The following VGLL4 variants were observed in gnomAD, a reference collection of about 807,000 sequenced individuals.
VGLL4 encodes vestigial like family member 4, also known as transcription cofactor vestigial-like protein 4.
Under a neutral mutation model 21.0 loss-of-function variants are expected in VGLL4, and 7 were observed. The observed-to-expected ratio is 0.33, with a 90% confidence interval of 0.19 to 0.63. The LOEUF (loss-of-function observed/expected upper bound fraction) is 0.63. Among genes scored for constraint, VGLL4 ranks in the 20% least tolerant of loss-of-function variants. The pLI is 0.78. For synonymous variants in VGLL4, 222 were observed against 173.2 expected, an observed-to-expected ratio of 1.28 and a Z score of -2.21; for missense variants, 394 against 425.7, an observed-to-expected ratio of 0.93 and a Z score of 0.66.
Position 11,557,393 on chromosome 3 carries a change from T to C in VGLL4, c.*1163A>G, listed in dbSNP as rs1191368297. On this transcript the variant is annotated 3_prime_UTR_variant, in exon 5 of 5. Transcript: ENST00000430365. ...GTTCAAAGGGAGCAGTTTCTGCATGTAGGGAAGTTGGAAGACACAAACCCC... is the reference window on the plus strand; with the variant it reads ...GTTCAAAGGGAGCAGTTTCTGCATGCAGGGAAGTTGGAAGACACAAACCCC... 1 of 152,760 alleles carries C rather than the reference T, an allele frequency of 6.5e-6. No homozygotes were observed. The highest frequency in any genetic ancestry group is 1.9e-4 in the East Asian group (1 of 5,320). 9.5% of individuals were successfully genotyped at this position (152,760 alleles called of 1,614,324 possible).
At chr3:11,564,573 CGGGCAGGTCT>C (rs1427831457) in intron 3 of VGLL4, among the ~76,000 whole-genome samples, 4 of 151,842 alleles carry the variant, frequency 2.6e-5, no homozygotes, top group Non-Finnish European at 5.9e-5. Flanking sequence ...AGGCAAGGCC[CGGGCAGGTCT>C]GGGCAGGAAG....
At chr3:11,683,093 G>C (rs554742000) in intron 2 of VGLL4, among the ~76,000 whole-genome samples, 2 of 152,230 alleles carry the variant, frequency 1.3e-5, no homozygotes, top group African/African-American at 2.4e-5. Context: ...CGAGCGTGGT[G>C]GTGGGCACCT....
In VGLL4 at chr3:11,631,879, G is replaced by T. The variant is rs575628935; in HGVS notation, c.82+11558C>A. ...GGTTTGCATTTTATCTAGCCCTCAC[G>T]AAGTACTCCACTATCATGAGGTCAG... is the stretch of plus-strand genomic sequence containing the variant. On this transcript the variant is annotated intron_variant, in intron 1 of 4. Coordinates refer to ENST00000430365, the MANE Select transcript of VGLL4 (RefSeq NM_001128219.3). 5.3e-5 allele frequency among the ~76,000 whole-genome samples: 8 copies of T among 152,262 alleles called. No individual in the cohort carries two copies. In the East Asian group the frequency reaches 1.2e-3, roughly 22 times the overall value.
chr3:11,707,068 C>T (rs2125409037), intron 1 of VGLL4, among the ~76,000 whole-genome samples: 1 of 151,802 alleles, frequency 6.6e-6, no homozygotes, highest in Admixed American at 6.6e-5. Flanking sequence ...ATAGTCCCAG[C>T]ACTTTAGGAG....
chr3:11,675,214 C>T (rs947297371), intron 2 of VGLL4, among the ~76,000 whole-genome samples: 2 of 151,926 alleles, frequency 1.3e-5, no homozygotes, highest in South Asian at 2.1e-4. Flanking sequence ...TAGTGGCAGG[C>T]GCCTGTAATC....
At position 11,649,893 on chromosome 3, in the gene VGLL4, CTATTT is replaced by C. The variant is rs1559923457; in HGVS notation, c.65-47876_65-47872del. Among the ~76,000 whole-genome samples the C allele has an allele frequency of 6.2e-5, 9 of 145,586 alleles. No homozygotes were observed. The South Asian group carries it at 1.4e-3, about 23-fold the overall frequency. On this transcript the variant is annotated intron_variant, in intron 2 of 5. Coordinates refer to the VGLL4 transcript ENST00000273038. ...AACTCCCCCACAGCACACAAGTGCT[CTATTT>C]GGTTTGGTTTGGTTTGGTTTGGTTT...
At chr3:11,627,864 TG>T (rs1372788072) in intron 1 of VGLL4, among the ~76,000 whole-genome samples, 1 of 152,210 alleles carries the variant, frequency 6.6e-6, no homozygotes, top group Admixed American at 6.5e-5. Context: ...CAAAGCATCT[TG>T]CTAGGCACTG....
intron 2 of VGLL4, among the ~76,000 whole-genome samples, chr3:11,586,909 T>C (rs980463383): frequency 1.3e-5 from 2 of 152,196 alleles, no homozygotes; most frequent in Non-Finnish European, 2.9e-5. Flanking sequence ...GTTTCAAATA[T>C]TAGCCTCAAA....
intron 1 of VGLL4, among the ~76,000 whole-genome samples, chr3:11,714,979 CA>C (rs1225572051): frequency 5.3e-5 from 8 of 151,618 alleles, no homozygotes; most frequent in African/African-American, 1.5e-4. Context: ...ATTAAAAATA[CA>C]AAAAATTAGC....
chr3:11,591,522 G>A (rs901457875), intron 2 of VGLL4, among the ~76,000 whole-genome samples: 1 of 152,226 alleles, frequency 6.6e-6, no homozygotes, highest in African/African-American at 2.4e-5. Flanking sequence ...AGGCAGAAGC[G>A]AGGCCTGCTG....
upstream of VGLL4, among the ~76,000 whole-genome samples, chr3:11,647,034 T>A (rs1438391653): frequency 6.6e-6 from 1 of 152,242 alleles, no homozygotes; most frequent in Non-Finnish European, 1.5e-5. Flanking sequence ...GTTATAGGGC[T>A]GCATTACATT....
At chr3:11,574,189 C>T (rs550932526) in intron 2 of VGLL4, among the ~76,000 whole-genome samples, 1 of 152,300 alleles carries the variant, frequency 6.6e-6, no homozygotes, top group African/African-American at 2.4e-5. Flanking sequence ...CCCTAGGAAA[C>T]GAACACAATT....
chr3:11,708,167 T>C (rs2076788193), intron 1 of VGLL4, among the ~76,000 whole-genome samples: 1 of 152,182 alleles, frequency 6.6e-6, no homozygotes, highest in African/African-American at 2.4e-5. Flanking sequence ...CCTCATACGG[T>C]TTTCTGAGAA....
intron 2 of VGLL4, among the ~76,000 whole-genome samples, chr3:11,589,354 TC>T (rs971096691): frequency 6.6e-6 from 1 of 152,022 alleles, no homozygotes. Flanking sequence ...TTCCTCAATT[TC>T]TCTGGCCTCA....
chr3:11,674,001 G>A (rs2076253470), intron 2 of VGLL4, among the ~76,000 whole-genome samples: 1 of 105,488 alleles, frequency 9.5e-6, no homozygotes, highest in African/African-American at 3.9e-5. Context: ...GACAGAGCGA[G>A]ACTTTGTCTC....
intron 1 of VGLL4, among the ~76,000 whole-genome samples, chr3:11,609,406 A>G (rs1336418595): frequency 6.6e-6 from 1 of 152,246 alleles, no homozygotes; most frequent in Non-Finnish European, 1.5e-5. Context: ...TTAGCTAATT[A>G]TTAGCATCTC....
At chr3:11,600,097 T>G (rs1257153839) in intron 2 of VGLL4, among the ~76,000 whole-genome samples, 4 of 152,180 alleles carry the variant, frequency 2.6e-5, no homozygotes, top group Non-Finnish European at 5.9e-5. Flanking sequence ...AACAATGGAA[T>G]AAAAATAACA....
At chr3:11,680,282 G>A (rs1053533543) in intron 2 of VGLL4, among the ~76,000 whole-genome samples, 4 of 144,278 alleles carry the variant, frequency 2.8e-5, no homozygotes, top group African/African-American at 4.9e-5. Context: ...GAGTATCCCT[G>A]CTATGCAAAG....
At chr3:11,617,208 G>A (rs561808019) in intron 1 of VGLL4, among the ~76,000 whole-genome samples, 35 of 152,302 alleles carry the variant, frequency 2.3e-4, no homozygotes, top group Non-Finnish European at 4.6e-4. Context: ...ATGGGTATGA[G>A]CATTCCAGGC....
Sources: gnomAD v4.1 joint callset for allele counts (sites outside exome capture counted in the v4.1 genomes callset) on GRCh38, gnomAD v4.1.1 for gene constraint, MANE v1.5 for transcripts, NCBI Gene and HGNC (gene_info 2026-07-23, HGNC 2026-07-21) for gene names.